TRPM5: variants seen among roughly 807,000 people sequenced by gnomAD.
TRPM5 encodes the protein MLSN1 and TRP-related.
Under a neutral mutation model 124.9 loss-of-function variants are expected in TRPM5, and 121 were observed. That is an observed-to-expected ratio of 0.97 (90% CI 0.84 to 1.13). TRPM5 has a LOEUF of 1.13. TRPM5 is among the 50% of genes most tolerant of loss of function. The pLI, the probability that TRPM5 is intolerant of heterozygous loss-of-function variation, is 0.00. For synonymous variants in TRPM5, 781 were observed against 700.5 expected (o/e 1.11, Z -1.81); for missense variants, 1,643 against 1,589.1 (o/e 1.03, Z -0.58).
At chr11:2,411,739 G>A (rs1435477356) in exon 17 of TRPM5, 7 of 1,612,560 alleles carry the variant, frequency 4.3e-6, no homozygotes, top group East Asian at 2.2e-5. Context: ...AGGACTGTGC[G>A]GCCAGCCTCA....
At chr11:2,410,710 C>T in intron 18 of TRPM5, 2 of 455,546 alleles carry the variant, frequency 4.4e-6, no homozygotes, top group Non-Finnish European at 8.8e-6. Flanking sequence ...AGAGCCTCCA[C>T]CAGCCCCAGC....
At chr11:2,407,437 G>C in intron 19 of TRPM5, 137 bp from the exon 25 acceptor site, 1 of 875,216 alleles carries the variant, frequency 1.1e-6, no homozygotes, top group Non-Finnish European at 1.7e-6. Context: ...TGCCTCTGGG[G>C]TGTGTCACGA....
At chr11:2,431,424 A>C in the TRPM5 span, among the ~76,000 whole-genome samples, 4 of 152,234 alleles carry the variant, frequency 2.6e-5, no homozygotes, top group South Asian at 2.1e-4. Context: ...TATGTGAATA[A>C]TGAGGAGGTT....
exon 3 of TRPM5, chr11:2,421,067 GGCCCAGCGAGGCCAT>G: frequency 2.6e-6 from 4 of 1,548,474 alleles, no homozygotes; most frequent in Non-Finnish European, 3.5e-6. Flanking sequence ...TGCAGGACGC[GGCCCAGCGAGGCCAT>G]GCCGACAGCA....
At chr11:2,444,248 G>C in the TRPM5 span, among the ~76,000 whole-genome samples, 1 of 152,128 alleles carries the variant, frequency 6.6e-6, no homozygotes, top group Non-Finnish European at 1.5e-5. Flanking sequence ...TCGCGCGCCT[G>C]GGCACCCGGG....
chr11:2,417,798 A>C (rs1437172394), exon 7 of TRPM5: 1 of 1,555,748 alleles, frequency 6.4e-7, no homozygotes. Flanking sequence ...ATACACGGTG[A>C]GCAGGTGCTG....
rs374231454 is a variant in TRPM5 at position 2,416,120 on chromosome 11, G to A, written c.1010-96C>T. 79 of 831,204 alleles carry A rather than the reference G, an allele frequency of 9.5e-5. No homozygotes were observed. In the Admixed American group the frequency reaches 1.0e-3, roughly 10 times the overall value. 51.5% of individuals were successfully genotyped at this position (831,204 alleles called of 1,614,324 possible). On this transcript the variant is annotated intron_variant, in intron 7 of 23. Transcript: ENST00000155858. The stretch of plus-strand genomic sequence containing the variant: ...CCAAAGGTGCGCTGCCTAGAGACGC[G>A]GAAACGGGAACTTCACGCTGGGACT...
At chr11:2,404,893 G>T (rs757804376) in exon 24 of TRPM5, 28 of 1,536,702 alleles carry the variant, frequency 1.8e-5, no homozygotes, top group Non-Finnish European at 2.5e-5. Flanking sequence ...GTGCAGGGTG[G>T]CCAGCTGAGG....
chr11:2,426,311 G>A (rs540277322), upstream of TRPM5, among the ~76,000 whole-genome samples: 65 of 152,264 alleles, frequency 4.3e-4, 1 homozygote, highest in African/African-American at 1.5e-3. Context: ...CGCCCCCGCC[G>A]GCCAGCCCAG....
chr11:2,413,669 A>G, intron 12 of TRPM5, 81 bp from the exon 18 acceptor site: 2 of 1,352,574 alleles, frequency 1.5e-6, no homozygotes, highest in South Asian at 1.3e-5. Context: ...CCCTTCCCCC[A>G]GGTGCCTGGC....
At position 2,416,171 on chromosome 11, in the gene TRPM5, AGCACCAGCAGGAGG is replaced by A. The variant is rs1845672805; in HGVS notation, c.1010-161_1010-148del. The A allele has an allele frequency of 4.9e-6, 3 of 606,344 alleles. No individual in the cohort carries two copies. In the Admixed American group the frequency reaches 8.1e-5, roughly 16 times the overall value. The allele number at this position is 606,344 out of a possible 1,614,324, so 37.6% of individuals were successfully genotyped here. Reference sequence around the variant, plus strand: ...TGAGGGGGCACATGCGCCACCTCTGAGCACCAGCAGGAGGCACGAGACTTTGTACAAACCGCAGG... The same window carrying A: ...TGAGGGGGCACATGCGCCACCTCTGACACGAGACTTTGTACAAACCGCAGG... On this transcript the variant is annotated intron_variant, in intron 7 of 23. Coordinates refer to ENST00000155858, the Ensembl canonical transcript of TRPM5.
chr11:2,417,706 G>GGGGCC, intron 7 of TRPM5, 21 bp downstream of exon 12: 5 of 1,087,302 alleles, frequency 4.6e-6, no homozygotes, highest in Non-Finnish European at 6.9e-6. Context: ...CGCCTGCCTT[G>GGGGCC]CCCACCCTGC....
chr11:2,411,446 G>C lies in TRPM5; in HGVS notation c.2688C>G (p.His896Gln), dbSNP rs549941084. 10 of 1,612,320 alleles carry C rather than the reference G, an allele frequency of 6.2e-6. No homozygotes were observed. In the South Asian group the frequency reaches 7.7e-5, roughly 12 times the overall value. The change falls in exon 18 of 24, where the codon CAC becomes CAG. Residue 896 changes from histidine to glutamine, a missense_variant. By Grantham distance (24) the His-to-Gln change is conservative. Transcript: ENST00000155858. ...TCCACTCCAGGCGGCCGTCATGGGG[G>C]TGCAGCAGCGCCTGGGTGGTGACAC... is the stretch of plus-strand genomic sequence containing the variant.
At chr11:2,414,794 G>A (rs1450815561) in exon 11 of TRPM5, 1 of 1,578,384 alleles carries the variant, frequency 6.3e-7, no homozygotes, top group Non-Finnish European at 8.6e-7. Context: ...ACATCTCTTT[G>A]AGGATTTTGC....
At chr11:2,411,583 G>A in intron 17 of TRPM5, 52 bp downstream of exon 22, 2 of 1,609,746 alleles carry the variant, frequency 1.2e-6, no homozygotes, top group Non-Finnish European at 1.7e-6. Context: ...TGGGGCCCAG[G>A]CAGGGGATTG....
At chr11:2,431,723 T>C in the TRPM5 span, among the ~76,000 whole-genome samples, 1 of 148,242 alleles carries the variant, frequency 6.7e-6, no homozygotes, top group Non-Finnish European at 1.5e-5. Flanking sequence ...AGATCTCAGC[T>C]CTCATGTCCT....
At position 2,417,709 on chromosome 11, in the gene TRPM5, C is replaced by CCCCCCCCCCCCCCCCCCCAAAA; in HGVS notation, c.1009+17_1009+18insTTTTGGGGGGGGGGGGGGGGGG. 1.1e-6 allele frequency: 1 copy of CCCCCCCCCCCCCCCCCCCAAAA among 912,372 alleles called. No homozygotes were observed. The allele number at this position is 912,372 out of a possible 1,614,324, so 56.5% of individuals were successfully genotyped here. A position where few individuals can be genotyped will look rare whatever the true frequency, so the allele number is the denominator to read the frequency against. ...GCCCCCCAATGGCGCCTGCCTTGCC[C>CCCCCCCCCCCCCCCCCCCAAAA]ACCCTGCCCGCCCTCACCTTTCACC... On this transcript the variant is annotated intron_variant, in intron 7 of 23. Coordinates refer to ENST00000155858, the Ensembl canonical transcript of TRPM5.
At chr11:2,418,450 G>C in intron 5 of TRPM5, 77 bp downstream of exon 10, 1 of 1,550,520 alleles carries the variant, frequency 6.4e-7, no homozygotes, top group Non-Finnish European at 8.7e-7. Flanking sequence ...CTTCAGCCCT[G>C]TCCCAGGGGT....
intron 12 of TRPM5, 47 bp downstream of exon 17, chr11:2,414,014 C>CCCCCCCCCCCCCCCCCA: frequency 1.9e-6 from 1 of 533,206 alleles, no homozygotes; most frequent in Non-Finnish European, 3.5e-6. Context: ...AGCTCGCCCG[C>CCCCCCCCCCCCCCCCCA]CCACCCCACC....
Sources: allele counts gnomAD v4.1 joint callset (sites outside exome capture counted in the v4.1 genomes callset), GRCh38; gene constraint gnomAD v4.1.1; transcripts MANE v1.5; gene names NCBI Gene and HGNC (gene_info 2026-07-23, HGNC 2026-07-21).